NCALD: variants seen among roughly 807,000 people sequenced by gnomAD.
NCALD encodes neurocalcin delta.
NCALD carries 10 observed loss-of-function variants against 18.6 expected under a neutral mutation model. The observed-to-expected ratio is 0.54, with a 90% CI of 0.33 to 0.91. The LOEUF is 0.91. NCALD is among the 40% of genes least tolerant of loss of function. NCALD has a pLI of 0.03. For missense variants in NCALD, 184 were observed against 247.6 expected (o/e 0.74, Z 1.72); for synonymous variants, 88 against 87.4 (o/e 1.01, Z -0.04).
chr8:102,082,688 A>G (rs1384125198), intron 1 of NCALD, among the ~76,000 whole-genome samples: 3 of 152,178 alleles, frequency 2.0e-5, no homozygotes, highest in African/African-American at 7.2e-5. Flanking sequence ...GAAAGAAATC[A>G]CCAGATTTTT....
chr8:101,879,200 T>C (rs1816360236), intron 4 of NCALD, among the ~76,000 whole-genome samples: 1 of 152,192 alleles, frequency 6.6e-6, no homozygotes, highest in Non-Finnish European at 1.5e-5. Flanking sequence ...GGTGGGTTCT[T>C]GGTCTCACTG....
At chr8:102,078,504 C>A (rs963473748) in intron 1 of NCALD, among the ~76,000 whole-genome samples, 1 of 152,212 alleles carries the variant, frequency 6.6e-6, no homozygotes, top group Non-Finnish European at 1.5e-5. Flanking sequence ...TATTACAAGT[C>A]CCTTTGTGAG....
intron 1 of NCALD, among the ~76,000 whole-genome samples, chr8:101,726,013 C>T (rs113707861): frequency 2.1e-3 from 317 of 152,034 alleles, no homozygotes; most frequent in Non-Finnish European, 3.9e-3. Context: ...TGAGGCAGGT[C>T]GCCATGGAGA....
rs530516845 is a variant in NCALD at position 101,860,420 on chromosome 8, C to T, written c.-20+26721G>A. 5.9e-5 allele frequency among the ~76,000 whole-genome samples: 9 copies of T among 152,260 alleles called. No individual in the cohort carries two copies. The South Asian group carries it at 1.5e-3, about 25-fold the overall frequency. On this transcript the variant is annotated intron_variant, in intron 4 of 6. Coordinates refer to the NCALD transcript ENST00000311028. ...AGAGAATAATCACTCCTGATTGACACAGGAGAGCAGAGAGTTCCATAAAGA... is the reference window on the plus strand; with the variant it reads ...AGAGAATAATCACTCCTGATTGACATAGGAGAGCAGAGAGTTCCATAAAGA...
chr8:101,803,422 T>C (rs117500504), intron 4 of NCALD, among the ~76,000 whole-genome samples: 2 of 152,358 alleles, frequency 1.3e-5, no homozygotes, highest in East Asian at 1.9e-4. Context: ...AGGAGATTAA[T>C]GTTGTTTTGA....
At chr8:102,121,357 G>C (rs192645822) in intron 1 of NCALD, among the ~76,000 whole-genome samples, 1 of 152,088 alleles carries the variant, frequency 6.6e-6, no homozygotes, top group South Asian at 2.1e-4. Flanking sequence ...TTATCTTCCC[G>C]TGCAACTTCC....
chr8:102,006,202 T>C lies in NCALD; in HGVS notation c.-157+14035A>G, dbSNP rs915642928. Among the ~76,000 whole-genome samples the C allele has an allele frequency of 4.3e-4, 66 of 152,224 alleles. 4 individuals are homozygous for C. Among genetic ancestry groups the C allele is most frequent in the Non-Finnish European group, 5.9e-5 (4 of 68,044 alleles). On this transcript the variant is annotated intron_variant, in intron 2 of 6. Coordinates refer to the NCALD transcript ENST00000311028. ...TATTTACTTATTTAGCTGGAAGCTA[T>C]GGTTTTTCCTCATATCATTAACCCA...
At chr8:101,895,424 A>C (rs938140445) in intron 3 of NCALD, among the ~76,000 whole-genome samples, 6 of 150,868 alleles carry the variant, frequency 4.0e-5, no homozygotes, top group Non-Finnish European at 7.4e-5. Context: ...ATGGGCAAAA[A>C]CTGGAAGCAT....
In NCALD at chr8:102,068,205, C is replaced by T. The variant is rs185158788; in HGVS notation, c.-209-47916G>A. On this transcript the variant is annotated intron_variant, in intron 1 of 6. Coordinates refer to the NCALD transcript ENST00000311028. ...GAGGCTGGACACCGACTGACAGGCA[C>T]CAGACCAGGAGTGATCAGGGAGATC... 2.0e-5 allele frequency among the ~76,000 whole-genome samples: 3 copies of T among 152,314 alleles called. No individual in the cohort carries two copies. The East Asian group carries it at 5.8e-4, about 29-fold the overall frequency.
intron 3 of NCALD, among the ~76,000 whole-genome samples, chr8:101,888,642 C>A (rs1032916369): frequency 2.6e-5 from 4 of 151,878 alleles, no homozygotes; most frequent in African/African-American, 7.3e-5. Flanking sequence ...GTCTCAAACT[C>A]CAGGCCTCAA....
chr8:102,016,734 G>A (rs1056258951), intron 2 of NCALD, among the ~76,000 whole-genome samples: 3 of 152,086 alleles, frequency 2.0e-5, no homozygotes, highest in Non-Finnish European at 1.5e-5. Flanking sequence ...ACCCAATTCT[G>A]AGTAACAATA....
At chr8:102,089,898 C>T (rs893903089) in intron 1 of NCALD, among the ~76,000 whole-genome samples, 1 of 152,112 alleles carries the variant, frequency 6.6e-6, no homozygotes, top group Non-Finnish European at 1.5e-5. Flanking sequence ...GGACTAAAAG[C>T]ACAACAGGTT....
intron 2 of NCALD, among the ~76,000 whole-genome samples, chr8:101,978,834 A>C (rs1291660246): frequency 1.3e-5 from 2 of 152,214 alleles, no homozygotes; most frequent in Admixed American, 6.5e-5. Flanking sequence ...CGAAGAAAGG[A>C]AGGCAGGCAA....
intron 1 of NCALD, among the ~76,000 whole-genome samples, chr8:102,053,740 T>G (rs1823531427): frequency 6.6e-6 from 1 of 152,206 alleles, no homozygotes; most frequent in Non-Finnish European, 1.5e-5. Context: ...TTTTATGTAT[T>G]TTTACTTTAC....
chr8:101,702,221 A>C (rs777761544), intron 2 of NCALD, among the ~76,000 whole-genome samples: 2 of 151,826 alleles, frequency 1.3e-5, no homozygotes, highest in Non-Finnish European at 2.9e-5. Context: ...TCCCTTTGTG[A>C]TAGTGTCATT....
chr8:101,768,928 G>A (rs1331932289), intron 1 of NCALD, among the ~76,000 whole-genome samples: 1 of 152,166 alleles, frequency 6.6e-6, no homozygotes, highest in Non-Finnish European at 1.5e-5. Flanking sequence ...GAATCTTGAG[G>A]AGGGAAGGTT....
intron 1 of NCALD, among the ~76,000 whole-genome samples, chr8:101,786,751 C>A (rs540195587): frequency 1.3e-5 from 2 of 152,302 alleles, no homozygotes; most frequent in African/African-American, 4.8e-5. Flanking sequence ...AAAATGTGAA[C>A]AATCCTCCCA....
chr8:102,110,724 C>T (rs1370561388), intron 1 of NCALD, among the ~76,000 whole-genome samples: 2 of 152,084 alleles, frequency 1.3e-5, no homozygotes, highest in East Asian at 3.8e-4. Context: ...ATGTTCAAAC[C>T]TTCAATCTAT....
intron 4 of NCALD, among the ~76,000 whole-genome samples, chr8:101,806,448 T>C (rs925632187): frequency 9.9e-5 from 15 of 152,066 alleles, no homozygotes; most frequent in African/African-American, 3.6e-4. Flanking sequence ...AATCATACTT[T>C]ATGAAGTAAA....
Sources: gnomAD v4.1 joint callset for allele counts (sites outside exome capture counted in the v4.1 genomes callset) on GRCh38, gnomAD v4.1.1 for gene constraint, MANE v1.5 for transcripts, NCBI Gene and HGNC (gene_info 2026-07-23, HGNC 2026-07-21) for gene names.